FNBP4: variants seen among roughly 807,000 people sequenced by gnomAD.
The protein encoded by FNBP4 is formin-binding protein 4.
A neutral mutation model predicts 119.3 loss-of-function variants in FNBP4; 34 were observed. The ratio of observed to expected loss-of-function variants is 0.28; its 90% CI spans 0.22 to 0.38. The LOEUF is 0.38. FNBP4 is among the 10% of genes least tolerant of loss of function. The pLI is 1.00. For missense variants in FNBP4, 1,112 were observed against 1,228.9 expected, an observed-to-expected ratio of 0.90 and a Z score of 1.42; for synonymous variants, 462 against 430.6, an observed-to-expected ratio of 1.07 and a Z score of -0.90.
intron 1 of FNBP4, among the ~76,000 whole-genome samples, chr11:47,765,986 G>A (rs7111606): frequency 0.35 from 52,306 of 150,530 alleles, 10,487 homozygotes; most frequent in South Asian, 0.52. Flanking sequence ...GTGCCCTGGA[G>A]TCTTTCATCT....
chr11:47,726,716 A>T (rs1404992947), intron 12 of FNBP4: 4 of 152,218 alleles, frequency 2.6e-5, no homozygotes, highest in African/African-American at 9.6e-5. Context: ...AGACAAAATC[A>T]AGTATGGCCA....
chr11:47,767,005 G>A (rs2097649048), intron 1 of FNBP4, 64 bp downstream of exon 1: 3 of 1,487,276 alleles, frequency 2.0e-6, no homozygotes, highest in East Asian at 2.8e-5. Flanking sequence ...GTCTGGCCAG[G>A]CGCCGTGAGG....
In FNBP4 at chr11:47,750,796, G is replaced by C. The variant is rs564865119; in HGVS notation, c.906+120C>G. 4.0e-5 allele frequency: 38 copies of C among 957,870 alleles called. No individual in the cohort carries two copies. The East Asian group carries it at 1.1e-3, about 29-fold the overall frequency. 59.3% of individuals were successfully genotyped at this position (957,870 alleles called of 1,614,324 possible). ...TACACAGAAACAAAGTGAAAGTTAT[G>C]AAACTTATCCTATTTCACATGTATG... is the stretch of plus-strand genomic sequence containing the variant. On this transcript the variant is annotated intron_variant, in intron 6 of 16. Coordinates refer to ENST00000263773, the MANE Select transcript of FNBP4 (RefSeq NM_015308.5).
At chr11:47,728,891 C>T (rs978028058) in intron 12 of FNBP4, among the ~76,000 whole-genome samples, 11 of 128,930 alleles carry the variant, frequency 8.5e-5, no homozygotes, top group Non-Finnish European at 1.6e-4. Context: ...TTTGCTCTGT[C>T]GCCCAGGCTG....
At chr11:47,721,797 A>G (rs2097555925) in intron 15 of FNBP4, among the ~76,000 whole-genome samples, 1 of 151,470 alleles carries the variant, frequency 6.6e-6, no homozygotes, top group Non-Finnish European at 1.5e-5. Context: ...GGTCATATAA[A>G]TTTCCTTTAA....
chr11:47,719,876 A>AGGT, intron 16 of FNBP4, 53 bp downstream of exon 16: 1 of 1,582,722 alleles, frequency 6.3e-7, no homozygotes, highest in South Asian at 1.1e-5. Flanking sequence ...ATCTCATAGT[A>AGGT]GGTCTCAACC....
Position 47,767,110 on chromosome 11 carries a change from G to A in FNBP4, c.179C>T (p.Ala60Val), listed in dbSNP as rs1222746470. 4 of 1,516,176 alleles carry A rather than the reference G, an allele frequency of 2.6e-6. No homozygotes were observed. The highest frequency in any genetic ancestry group is 2.6e-6 in the Non-Finnish European group (3 of 1,133,826). 93.9% of individuals were successfully genotyped at this position (1,516,176 alleles called of 1,614,324 possible). The part of the protein sequence containing the change: ...APSAATTTTT[A>V]VTAAAASDDS... Reference sequence around the variant, plus strand: ...GTCCGAGGCCGCGGCGGCAGTCACCGCGGTGGTGGTGGTCGTCGCCGCCGA... The same window carrying A: ...GTCCGAGGCCGCGGCGGCAGTCACCACGGTGGTGGTGGTCGTCGCCGCCGA... Residue 60 changes from alanine (A) to valine (V), a missense_variant, in exon 1 of 17, where the codon GCG becomes GTG. By Grantham distance (64) the Ala-to-Val change is moderately conservative. Around this residue, in one of 2 missense-constraint regions of FNBP4, gnomAD observed 286 missense variants for 240.1 expected, o/e 1.19. Transcript: ENST00000263773.
chr11:47,747,965 G>C (rs1442903623), intron 6 of FNBP4, among the ~76,000 whole-genome samples: 1 of 151,348 alleles, frequency 6.6e-6, no homozygotes. Flanking sequence ...TAAAATAGCT[G>C]GGCGTGGTGG....
At chr11:47,737,435 A>G (rs1365228597) in intron 8 of FNBP4, among the ~76,000 whole-genome samples, 1 of 152,084 alleles carries the variant, frequency 6.6e-6, no homozygotes. Flanking sequence ...AAAGAGCAAC[A>G]TTATTAGCAT....
Position 47,717,352 on chromosome 11 carries a change from A to G in FNBP4, c.*70T>C. On this transcript the variant is annotated 3_prime_UTR_variant, in exon 17 of 17. Transcript: ENST00000263773. ...TAACATTTATAGTTTATTTGACAATAAAACTGGTTAAGACTTTGAACTGAA... is the reference window on the plus strand; with the variant it reads ...TAACATTTATAGTTTATTTGACAATGAAACTGGTTAAGACTTTGAACTGAA... 9.5e-7 allele frequency: 1 copy of G among 1,053,392 alleles called. No individual in the cohort carries two copies. Among genetic ancestry groups the G allele is most frequent in the African/African-American group, 1.6e-5 (1 of 62,906 alleles). The allele number at this position is 1,053,392 out of a possible 1,614,324, so 65.3% of individuals were successfully genotyped here. A position where few individuals can be genotyped will look rare whatever the true frequency, so the allele number is the denominator to read the frequency against.
At chr11:47,754,755 A>C in intron 2 of FNBP4, 91 bp from the exon 3 acceptor site, 2 of 1,427,354 alleles carry the variant, frequency 1.4e-6, no homozygotes, top group Admixed American at 2.2e-5. Context: ...GTTTTTTTTA[A>C]ACTTACTTAC....
chr11:47,759,068 C>T (rs532367745), intron 2 of FNBP4, among the ~76,000 whole-genome samples: 8 of 151,666 alleles, frequency 5.3e-5, no homozygotes, highest in South Asian at 4.2e-4. Context: ...AACAGGCGCA[C>T]GCCACCACGA....
chr11:47,757,828 T>C (rs2097622930), intron 2 of FNBP4, among the ~76,000 whole-genome samples: 3 of 129,852 alleles, frequency 2.3e-5, no homozygotes, highest in South Asian at 5.9e-4. Context: ...GATTTGTTTA[T>C]GTATATATGT....
intron 2 of FNBP4, among the ~76,000 whole-genome samples, chr11:47,762,488 G>A (rs1162619194): frequency 6.6e-6 from 1 of 151,866 alleles, no homozygotes; most frequent in Non-Finnish European, 1.5e-5. Context: ...GGTTGCAGTG[G>A]CATGATCATA....
chr11:47,717,635 A>C (rs933443606), intron 16 of FNBP4, 123 bp from the exon 17 acceptor site: 2 of 732,352 alleles, frequency 2.7e-6, no homozygotes, highest in African/African-American at 3.5e-5. Flanking sequence ...GTTTATGAAA[A>C]TCTTTTGTTT....
At chr11:47,729,281 T>C (rs994252468) in intron 12 of FNBP4, 2 of 985,234 alleles carry the variant, frequency 2.0e-6, no homozygotes, top group Non-Finnish European at 2.4e-6. Flanking sequence ...AATTGTTCCA[T>C]GGAGATTAAA....
intron 7 of FNBP4, among the ~76,000 whole-genome samples, chr11:47,744,841 T>C (rs1294187090): frequency 2.6e-5 from 4 of 152,218 alleles, no homozygotes; most frequent in Non-Finnish European, 5.9e-5. Flanking sequence ...TCTGGTTTTT[T>C]TCTGGTACCC....
chr11:47,747,754 C>G (rs1183787442), intron 6 of FNBP4, among the ~76,000 whole-genome samples: 1 of 151,930 alleles, frequency 6.6e-6, no homozygotes, highest in Non-Finnish European at 1.5e-5. Context: ...TTGAGACCAG[C>G]CTGGCCAACA....
intron 12 of FNBP4, among the ~76,000 whole-genome samples, chr11:47,727,582 A>AT (rs1299903776): frequency 6.6e-6 from 1 of 152,128 alleles, no homozygotes; most frequent in African/African-American, 2.4e-5. Flanking sequence ...AAATTCTCAC[A>AT]TACAATGTGT....
Sources: gnomAD v4.1 joint callset for allele counts (sites outside exome capture counted in the v4.1 genomes callset) on GRCh38, gnomAD v4.1.1 for gene constraint, gnomAD v4.1.1 regional missense constraint, MANE v1.5 for transcripts, NCBI Gene and HGNC (gene_info 2026-07-23, HGNC 2026-07-21) for gene names.